Variants in CLUAP1 observed in about 807,000 individuals in gnomAD.
The protein encoded by CLUAP1 is intraflagellar transport 38, also known as clusterin-associated protein 1.
In CLUAP1, 50 loss-of-function variants were observed where a neutral mutation model predicts 55.0. That is an observed-to-expected ratio of 0.91 (90% CI 0.72 to 1.15). The LOEUF is 1.15. Among genes scored for constraint, CLUAP1 ranks in the 50% most tolerant of loss-of-function variants. The pLI is 0.00. For synonymous variants in CLUAP1, 195 were observed against 175.4 expected, an observed-to-expected ratio of 1.11 and a Z score of -0.88; for missense variants, 530 against 507.6, an observed-to-expected ratio of 1.04 and a Z score of -0.42.
Position 3,508,423 on chromosome 16 carries a change from A to G in CLUAP1, c.354A>G (p.Ile118Met), listed in dbSNP as rs200244691. 1.1e-5 allele frequency: 17 copies of G among 1,588,598 alleles called. No homozygotes were observed. Among genetic ancestry groups the G allele is most frequent in the Middle Eastern group, 1.7e-4 (1 of 6,032 alleles). The part of the protein sequence containing the change: ...MKTKGMEGSE[I>M]VEEDVNKFKF... ...CCAAGGGGATGGAGGGCTCTGAAATAGTAGAGGAAGATGTCAACAAGTTCA... is the reference window on the plus strand; with the variant it reads ...CCAAGGGGATGGAGGGCTCTGAAATGGTAGAGGAAGATGTCAACAAGTTCA... The change falls in exon 4 of 12, where the codon ATA becomes ATG. Residue 118 changes from isoleucine (I) to methionine (M), a missense_variant. By Grantham distance (10) the Ile-to-Met change is conservative. Transcript: ENST00000576634.
chr16:3,502,409 G>T (rs1021718630), intron 1 of CLUAP1, among the ~76,000 whole-genome samples: 1 of 149,366 alleles, frequency 6.7e-6, no homozygotes, highest in Non-Finnish European at 1.5e-5. Context: ...GCACCACTGC[G>T]CTCCACCCTG....
At chr16:3,507,785 C>T (rs1358223793) in intron 3 of CLUAP1, among the ~76,000 whole-genome samples, 1 of 151,350 alleles carries the variant, frequency 6.6e-6, no homozygotes, top group Non-Finnish European at 1.5e-5. Flanking sequence ...GATGTACTTA[C>T]TGTACACTAC....
upstream of CLUAP1, chr16:3,496,868 C>A (rs1596377267): frequency 7.6e-6 from 2 of 264,786 alleles, no homozygotes; most frequent in East Asian, 1.1e-4. Context: ...TTCTTTTTTT[C>A]TTTTCTTTTT....
intron 8 of CLUAP1, among the ~76,000 whole-genome samples, chr16:3,524,421 G>A (rs1160276332): frequency 1.3e-5 from 2 of 151,650 alleles, no homozygotes; most frequent in Non-Finnish European, 2.9e-5. Flanking sequence ...CCAACATGGT[G>A]AAACCCCGTC....
chr16:3,509,120 C>T (rs935925387), intron 4 of CLUAP1, among the ~76,000 whole-genome samples: 16 of 152,068 alleles, frequency 1.1e-4, no homozygotes, highest in Admixed American at 3.3e-4. Flanking sequence ...ATTAGCTAGG[C>T]GTGGTGGTAC....
chr16:3,515,351 CATT>C (rs2037709983), intron 5 of CLUAP1, 154 bp from the exon 6 acceptor site: 1 of 570,608 alleles, frequency 1.8e-6, no homozygotes, highest in South Asian at 2.3e-5. Flanking sequence ...TAATGGAAGA[CATT>C]ATAGGAGGTG....
chr16:3,501,160 C>T (rs2037390524), intron 1 of CLUAP1, 71 bp downstream of exon 1: 4 of 1,467,434 alleles, frequency 2.7e-6, no homozygotes, highest in East Asian at 2.5e-5. Context: ...GCCGGGTCCC[C>T]TGTGTAGGCG....
chr16:3,500,653 G>A (rs906232093), upstream of CLUAP1, among the ~76,000 whole-genome samples: 1 of 152,208 alleles, frequency 6.6e-6, no homozygotes, highest in Non-Finnish European at 1.5e-5. Flanking sequence ...TTGTAGGCGT[G>A]AGCCCCCGCG....
At chr16:3,532,607 G>C (rs2038147416) in intron 10 of CLUAP1, among the ~76,000 whole-genome samples, 179 bp from the exon 11 acceptor site, 1 of 147,148 alleles carries the variant, frequency 6.8e-6, no homozygotes, top group African/African-American at 2.7e-5. Context: ...CTGTAGAAAT[G>C]AGGTTTCATT....
chr16:3,524,032 C>T (rs550546654), intron 8 of CLUAP1, among the ~76,000 whole-genome samples: 2 of 152,238 alleles, frequency 1.3e-5, no homozygotes, highest in African/African-American at 2.4e-5. Flanking sequence ...GGTGCGATGG[C>T]TTATACTTGT....
chr16:3,529,834 AATATATT>A (rs2038075971), intron 9 of CLUAP1, among the ~76,000 whole-genome samples: 2 of 48,782 alleles, frequency 4.1e-5, no homozygotes, highest in Non-Finnish European at 6.8e-5. Flanking sequence ...TATATTATAT[AATATATT>A]ATATAATATA....
chr16:3,532,053 G>T (rs2038131713), intron 10 of CLUAP1, among the ~76,000 whole-genome samples: 1 of 152,142 alleles, frequency 6.6e-6, no homozygotes, highest in East Asian at 1.9e-4. Flanking sequence ...TGGCCAGGCT[G>T]GTCTCGAACT....
chr16:3,531,521 CA>C (rs555725934), intron 10 of CLUAP1, among the ~76,000 whole-genome samples: 215 of 120,116 alleles, frequency 1.8e-3, no homozygotes, highest in Middle Eastern at 4.4e-3. Context: ...GACTCCGTCT[CA>C]AAAAAAAAAA....
At chr16:3,515,107 C>G (rs760405914) in intron 5 of CLUAP1, among the ~76,000 whole-genome samples, 7 of 151,990 alleles carry the variant, frequency 4.6e-5, no homozygotes, top group Non-Finnish European at 1.0e-4. Context: ...TGACTCATGC[C>G]TGTGATCCTA....
At chr16:3,529,582 ATATTATATAT>A (rs1472490299) in intron 9 of CLUAP1, among the ~76,000 whole-genome samples, 16 of 40,168 alleles carry the variant, frequency 4.0e-4, no homozygotes, top group Admixed American at 9.7e-4. Flanking sequence ...ATATTATATA[ATATTATATAT>A]TATTATATAT....
In CLUAP1 at chr16:3,537,674, A is replaced by G. The variant is rs1485689036; in HGVS notation, c.*1403A>G. On this transcript the variant is annotated 3_prime_UTR_variant, in exon 12 of 12. Transcript: ENST00000576634. ...ACAGAGTGAGACCCTGTCTTTAAAA[A>G]AAAGAAAAAGAAAAGCACGCTGCTT... The G allele has an allele frequency of 6.6e-6, 1 of 151,606 alleles. No homozygotes were observed. Among genetic ancestry groups the G allele is most frequent in the Admixed American group, 6.6e-5 (1 of 15,210 alleles). The allele number at this position is 151,606 out of a possible 1,614,324, so 9.4% of individuals were successfully genotyped here.
At chr16:3,501,143 C>A (rs115697151) in intron 1 of CLUAP1, 54 bp downstream of exon 1, 26,267 of 1,534,566 alleles carry the variant, frequency 0.017, 346 homozygotes, top group African/African-American at 0.048. Flanking sequence ...ATTCAGGGCT[C>A]CCGCCCGCCG....
chr16:3,508,531 A>G (rs1328732965), intron 4 of CLUAP1, 63 bp downstream of exon 4: 1 of 1,416,980 alleles, frequency 7.1e-7, no homozygotes, highest in East Asian at 2.7e-5. Context: ...TCTGAAGTGG[A>G]AGGAGTCTGC....
In CLUAP1 at chr16:3,532,852, C is replaced by T. The variant is rs760762952; in HGVS notation, c.1092+11C>T. The T allele has an allele frequency of 1.9e-5, 31 of 1,613,766 alleles. No individual in the cohort carries two copies. Among genetic ancestry groups the T allele is most frequent in the African/African-American group, 4.0e-5 (3 of 74,904 alleles). ...GACTCCGATGACAATGTAAGTCCCC[C>T]GCTCCCCTCAGTGGTTCTGTGCACT... On this transcript the variant is annotated intron_variant, in intron 11 of 11. Transcript: ENST00000576634.
Sources: allele counts gnomAD v4.1 joint callset (sites outside exome capture counted in the v4.1 genomes callset), GRCh38; gene constraint gnomAD v4.1.1; transcripts MANE v1.5; gene names NCBI Gene and HGNC (gene_info 2026-07-23, HGNC 2026-07-21).